ETV6: variants seen among roughly 807,000 people sequenced by gnomAD.
ETV6 encodes transcription factor ETV6.
A neutral mutation model predicts 51.1 loss-of-function variants in ETV6; 16 were observed. The ratio of observed to expected loss-of-function variants is 0.31; its 90% CI spans 0.21 to 0.48. The LOEUF is 0.48. ETV6 is among the 20% of genes least tolerant of loss of function. The probability of loss-of-function intolerance (pLI) is 0.99; values close to 1 mark genes in which losing one functional copy is unlikely to be tolerated. For missense variants in ETV6, 458 were observed against 594.8 expected (o/e 0.77, Z 2.39); for synonymous variants, 240 against 224.1 (o/e 1.07, Z -0.64).
chr12:11,754,228 G>T (rs77092796), intron 2 of ETV6, among the ~76,000 whole-genome samples: 1,527 of 152,142 alleles, frequency 0.01, 29 homozygotes, highest in African/African-American at 0.035. Context: ...GCTGTGCCCG[G>T]CACTCTTCTG....
At chr12:11,866,209 A>G (rs910221524) in intron 4 of ETV6, among the ~76,000 whole-genome samples, 3 of 151,052 alleles carry the variant, frequency 2.0e-5, no homozygotes, top group Non-Finnish European at 4.4e-5. Flanking sequence ...TTTTTTTTTA[A>G]TTCCATTTCC....
intron 2 of ETV6, among the ~76,000 whole-genome samples, chr12:11,801,814 G>T (rs1169899162): frequency 4.6e-5 from 7 of 152,214 alleles, no homozygotes; most frequent in African/African-American, 9.7e-5. Flanking sequence ...GGCAGGCCAG[G>T]AGATGAAAGC....
intron 1 of ETV6, among the ~76,000 whole-genome samples, chr12:11,722,999 T>TA (rs1865419381): frequency 1.3e-5 from 2 of 152,208 alleles, no homozygotes; most frequent in South Asian, 4.1e-4. Context: ...CGCACTTTAA[T>TA]AACCACAGGT....
At chr12:11,822,976 T>C (rs1255136690) in intron 2 of ETV6, among the ~76,000 whole-genome samples, 1 of 152,158 alleles carries the variant, frequency 6.6e-6, no homozygotes, top group African/African-American at 2.4e-5. Context: ...TATCAGTACA[T>C]GACAGCATCC....
chr12:11,734,249 C>T (rs559589960), intron 1 of ETV6, among the ~76,000 whole-genome samples: 1 of 152,228 alleles, frequency 6.6e-6, no homozygotes, highest in Non-Finnish European at 1.5e-5. Context: ...ATCATATAGT[C>T]CCCTATGTAA....
At chr12:11,698,482 T>C (rs1404732158) in intron 1 of ETV6, among the ~76,000 whole-genome samples, 1 of 152,194 alleles carries the variant, frequency 6.6e-6, no homozygotes, top group Non-Finnish European at 1.5e-5. Context: ...ATTTAGTACC[T>C]TGTGGTTGTA....
chr12:11,748,965 T>G (rs1359587243), intron 1 of ETV6, among the ~76,000 whole-genome samples: 1 of 152,180 alleles, frequency 6.6e-6, no homozygotes, highest in African/African-American at 2.4e-5. Context: ...CTGCCTTATT[T>G]TCTCTTCCCA....
intron 1 of ETV6, among the ~76,000 whole-genome samples, chr12:11,702,478 G>T (rs1865002048): frequency 6.6e-6 from 1 of 152,116 alleles, no homozygotes; most frequent in Non-Finnish European, 1.5e-5. Flanking sequence ...TAGTCTTCAT[G>T]GGCTAAGTGA....
chr12:11,819,620 G>T (rs893684956), intron 2 of ETV6, among the ~76,000 whole-genome samples: 1 of 152,208 alleles, frequency 6.6e-6, no homozygotes, highest in African/African-American at 2.4e-5. Flanking sequence ...GATGAGATGG[G>T]CGGGCCCCTC....
chr12:11,885,374 T>A (rs1947168165), intron 6 of ETV6, among the ~76,000 whole-genome samples: 1 of 152,164 alleles, frequency 6.6e-6, no homozygotes, highest in African/African-American at 2.4e-5. Flanking sequence ...CATGTGTGAG[T>A]CACTGAGAAA....
chr12:11,856,239 C>T (rs565971652), intron 4 of ETV6, among the ~76,000 whole-genome samples: 8 of 152,268 alleles, frequency 5.3e-5, no homozygotes, highest in East Asian at 1.9e-4. Context: ...CCACCGCATA[C>T]GCTGTAATGA....
chr12:11,890,969 A>G lies in ETV6; in HGVS notation c.1282A>G (p.Ser428Gly). Residue 428 changes from serine (S) to glycine (G), a missense_variant, in exon 8 of 8, where the codon AGT (serine) becomes GGT (glycine). Physicochemically the swap from Ser to Gly is moderately conservative, Grantham distance 56. Coordinates refer to ENST00000396373, the MANE Select transcript of ETV6 (RefSeq NM_001987.5). ...RFMKTPDEIM[S>G]GRTDRLEHLE... ...TATGAAAACCCCAGATGAAATCATG[A>G]GTGGCCGAACAGACCGTCTGGAGCA... 3 of 1,613,822 alleles carry G rather than the reference A, an allele frequency of 1.9e-6. No homozygotes were observed. The South Asian group carries it at 3.3e-5, about 18-fold the overall frequency.
chr12:11,808,973 G>A (rs1945870577), intron 2 of ETV6, among the ~76,000 whole-genome samples: 1 of 152,122 alleles, frequency 6.6e-6, no homozygotes, highest in African/African-American at 2.4e-5. Context: ...AGACGAGCCT[G>A]GCCAACACGG....
intron 3 of ETV6, chr12:11,840,583 T>A: frequency 2.2e-6 from 1 of 449,952 alleles, no homozygotes; most frequent in Admixed American, 2.4e-5. Context: ...AAACTAACCG[T>A]CATGAGGAAA....
chr12:11,858,404 A>T lies in ETV6; in HGVS notation c.463+4843A>T, dbSNP rs544885902. Reference sequence around the variant, plus strand: ...TTTATCCCCTTAAATATATATATATATTTTTTTTTAATTGTCATTTGTCCT... The same window carrying T: ...TTTATCCCCTTAAATATATATATATTTTTTTTTTTAATTGTCATTTGTCCT... On this transcript the variant is annotated intron_variant, in intron 4 of 7. Transcript: ENST00000396373. 6.1e-3 allele frequency among the ~76,000 whole-genome samples: 916 copies of T among 149,964 alleles called. 4 individuals carry two copies. The highest frequency in any genetic ancestry group is 0.016 in the African/African-American group (635 of 40,750).
At chr12:11,846,230 T>TAA (rs11426777) in intron 3 of ETV6, among the ~76,000 whole-genome samples, 2,610 of 147,464 alleles carry the variant, frequency 0.018, 72 homozygotes, top group African/African-American at 0.055. Flanking sequence ...ACTCTTACTT[T>TAA]AAAAAAAAAA....
intron 1 of ETV6, among the ~76,000 whole-genome samples, chr12:11,682,775 T>C (rs1864556215): frequency 6.6e-6 from 1 of 151,998 alleles, no homozygotes; most frequent in Non-Finnish European, 1.5e-5. Context: ...AAGGAAGGGG[T>C]TTCAGTTTTC....
chr12:11,740,221 A>G (rs1313097970), intron 1 of ETV6, among the ~76,000 whole-genome samples: 2 of 152,172 alleles, frequency 1.3e-5, no homozygotes, highest in African/African-American at 2.4e-5. Flanking sequence ...GTGGCAAGGA[A>G]TATAAAGTAA....
At chr12:11,718,928 C>A (rs995198152) in intron 1 of ETV6, among the ~76,000 whole-genome samples, 3 of 152,206 alleles carry the variant, frequency 2.0e-5, no homozygotes, top group African/African-American at 7.2e-5. Context: ...CAGAAAGAGT[C>A]ATTCAGACAG....
Sources: gnomAD v4.1 joint callset for allele counts (sites outside exome capture counted in the v4.1 genomes callset) on GRCh38, gnomAD v4.1.1 for gene constraint, MANE v1.5 for transcripts, NCBI Gene and HGNC (gene_info 2026-07-23, HGNC 2026-07-21) for gene names.